Variants in TTC7B observed in about 807,000 individuals in gnomAD.
TTC7B encodes the protein tetratricopeptide repeat protein 7B.
A neutral mutation model predicts 106.8 loss-of-function variants in TTC7B; 28 were observed. The ratio of observed to expected loss-of-function variants is 0.26; its 90% CI spans 0.19 to 0.36. The LOEUF (loss-of-function observed/expected upper bound fraction) is 0.36, where lower values mean the gene tolerates loss of function less well. TTC7B is among the 10% of genes least tolerant of loss of function. The pLI is 1.00. For synonymous variants in TTC7B, 405 were observed against 430.6 expected, an observed-to-expected ratio of 0.94 and a Z score of 0.74; for missense variants, 862 against 1,076.4, an observed-to-expected ratio of 0.80 and a Z score of 2.79.
chr14:90,708,625 T>C (rs1207227454), intron 5 of TTC7B, among the ~76,000 whole-genome samples: 1 of 152,212 alleles, frequency 6.6e-6, no homozygotes, highest in Non-Finnish European at 1.5e-5. Context: ...TCATTGACAA[T>C]GTACCTGGTC....
chr14:90,712,599 C>T (rs970345352), intron 5 of TTC7B, among the ~76,000 whole-genome samples: 1 of 152,106 alleles, frequency 6.6e-6, no homozygotes, highest in African/African-American at 2.4e-5. Context: ...AACTACAAAA[C>T]ATTTTTGAGA....
chr14:90,809,606 A>G (rs951047683), intron 1 of TTC7B, among the ~76,000 whole-genome samples: 1 of 152,266 alleles, frequency 6.6e-6, no homozygotes, highest in Non-Finnish European at 1.5e-5. Context: ...TCAGGGCCAG[A>G]GTCATCACGT....
chr14:90,750,137 T>G (rs900375178), intron 3 of TTC7B, among the ~76,000 whole-genome samples: 1 of 152,174 alleles, frequency 6.6e-6, no homozygotes, highest in Non-Finnish European at 1.5e-5. Flanking sequence ...CAAAAGCAAA[T>G]CGCAGATTTG....
At chr14:90,548,511 G>A (rs1017919062) in intron 19 of TTC7B, among the ~76,000 whole-genome samples, 2 of 152,230 alleles carry the variant, frequency 1.3e-5, no homozygotes, top group African/African-American at 4.8e-5. Context: ...TTTGCTGACT[G>A]CAAAGTGCTT....
Position 90,575,096 on chromosome 14 carries a change from T to C in TTC7B, c.2310+3010A>G, listed in dbSNP as rs1891206562. On this transcript the variant is annotated intron_variant, in intron 19 of 19. Transcript: ENST00000328459. This position sits in a 1 kb window ranked among gnomAD's most constrained non-coding sequence, Gnocchi z 5.2. ...CCACACAGGTCGGGGCCCTGCCTCC[T>C]CCCTGGGGCTTGACCTGGTAAGACA... 1.3e-5 allele frequency among the ~76,000 whole-genome samples: 2 copies of C among 152,202 alleles called. No individual in the cohort carries two copies. The highest frequency in any genetic ancestry group is 4.1e-4 in the South Asian group (2 of 4,832).
intron 13 of TTC7B, among the ~76,000 whole-genome samples, 186 bp downstream of exon 13, chr14:90,652,655 G>A (rs1334157980): frequency 6.6e-6 from 1 of 152,144 alleles, no homozygotes; most frequent in Non-Finnish European, 1.5e-5. Context: ...CAGATTAAGA[G>A]TGCAGATTGA....
At chr14:90,685,065 G>A (rs1370814036) in intron 7 of TTC7B, among the ~76,000 whole-genome samples, 1 of 152,080 alleles carries the variant, frequency 6.6e-6, no homozygotes, top group Non-Finnish European at 1.5e-5. Flanking sequence ...TGCATTTCAC[G>A]TTCAGGTCTC....
In TTC7B at chr14:90,735,899, AATGAG is replaced by A. The variant is rs144768099; in HGVS notation, c.577-5708_577-5704del. On this transcript the variant is annotated intron_variant, in intron 4 of 19. Transcript: ENST00000328459. ...TCTAAAATTTACCTGAAAGTATTAG[AATGAG>A]ATAAGAACAAAGGATAACCTGAAAA... is the stretch of plus-strand genomic sequence containing the variant. 1.5e-3 allele frequency among the ~76,000 whole-genome samples: 221 copies of A among 152,290 alleles called. 1 individual carries two copies. Among genetic ancestry groups the A allele is most frequent in the African/African-American group, 5.2e-3 (216 of 41,568 alleles).
chr14:90,639,236 T>C (rs1016888820), intron 15 of TTC7B, among the ~76,000 whole-genome samples: 1 of 152,166 alleles, frequency 6.6e-6, no homozygotes, highest in South Asian at 2.1e-4. Flanking sequence ...CTTCTGTTTA[T>C]CAAAAGACAT....
At chr14:90,713,504 G>C (rs963943815) in intron 5 of TTC7B, among the ~76,000 whole-genome samples, 3 of 152,154 alleles carry the variant, frequency 2.0e-5, no homozygotes, top group Non-Finnish European at 4.4e-5. Context: ...GGATACTACT[G>C]ATACTACTAC....
At chr14:90,550,062 C>G (rs1419694188) in intron 19 of TTC7B, among the ~76,000 whole-genome samples, 2 of 152,178 alleles carry the variant, frequency 1.3e-5, no homozygotes, top group African/African-American at 2.4e-5. Context: ...GAATACACCG[C>G]CTTCTAACTG....
At chr14:90,701,800 ATAT>A (rs1888002830) in intron 5 of TTC7B, among the ~76,000 whole-genome samples, 1 of 127,980 alleles carries the variant, frequency 7.8e-6, no homozygotes, top group Admixed American at 7.4e-5. Context: ...GTGTGTGTAT[ATAT>A]ATATATATAT....
rs983701419 is a variant in TTC7B, at chr14:90,745,041, C to G, written c.446-119G>C. The G allele has an allele frequency of 4.2e-6, 4 of 952,020 alleles. No individual in the cohort carries two copies. The African/African-American group carries it at 6.7e-5, about 16-fold the overall frequency. The allele number at this position is 952,020 out of a possible 1,614,324, so 59.0% of individuals were successfully genotyped here. A position where few individuals can be genotyped will look rare whatever the true frequency, so the allele number is the denominator to read the frequency against. ...GAATATCATGTTGTTTGCAAATAGA[C>G]AGTTTACTTCCTCCTTTTCAATCTG... On this transcript the variant is annotated intron_variant, in intron 3 of 19. Coordinates refer to ENST00000328459, the MANE Select transcript of TTC7B (RefSeq NM_001010854.2).
chr14:90,809,252 G>T (rs1426765879), intron 1 of TTC7B, among the ~76,000 whole-genome samples: 3 of 152,240 alleles, frequency 2.0e-5, no homozygotes, highest in African/African-American at 7.2e-5. Flanking sequence ...AAGCATGGAT[G>T]TCACCCTTAA....
chr14:90,676,773 G>A (rs1886858608), intron 8 of TTC7B, 113 bp from the exon 9 acceptor site: 3 of 1,169,076 alleles, frequency 2.6e-6, no homozygotes, highest in Non-Finnish European at 3.6e-6. Flanking sequence ...TGGAGACAAG[G>A]GTAGGAATGA....
rs934421591 is a variant in TTC7B at position 90,528,472 on chromosome 14, G to A, written c.*12896C>T. Reference sequence around the variant, plus strand: ...CACTGCAGCCTTGACCTCCCACTTTGTTACCTGTTTCCGACGGTGTGACCC... The same window carrying A: ...CACTGCAGCCTTGACCTCCCACTTTATTACCTGTTTCCGACGGTGTGACCC... On this transcript the variant is annotated 3_prime_UTR_variant, in exon 20 of 20. Transcript: ENST00000328459. 10 of 152,698 alleles carry A rather than the reference G, an allele frequency of 6.5e-5. No individual in the cohort carries two copies. The highest frequency in any genetic ancestry group is 2.2e-4 in the African/African-American group (9 of 41,474). 9.5% of individuals were successfully genotyped at this position (152,698 alleles called of 1,614,324 possible).
intron 6 of TTC7B, among the ~76,000 whole-genome samples, chr14:90,690,593 T>C (rs946454745): frequency 6.6e-6 from 1 of 152,116 alleles, no homozygotes; most frequent in Non-Finnish European, 1.5e-5. Flanking sequence ...AAGAAGAGGA[T>C]AAGTAATTTA....
At chr14:90,581,020 C>G (rs941052466) in intron 18 of TTC7B, among the ~76,000 whole-genome samples, 1 of 152,176 alleles carries the variant, frequency 6.6e-6, no homozygotes, top group Non-Finnish European at 1.5e-5. Context: ...ATATTTGTAC[C>G]AACGACTGAC....
At chr14:90,581,842 G>A (rs1282298005) in intron 18 of TTC7B, among the ~76,000 whole-genome samples, 7 of 152,182 alleles carry the variant, frequency 4.6e-5, no homozygotes, top group African/African-American at 1.4e-4. Context: ...GCCTGCCTAA[G>A]CCTCAGGCCT....
Sources: allele counts gnomAD v4.1 joint callset (sites outside exome capture counted in the v4.1 genomes callset), GRCh38; gene constraint gnomAD v4.1.1; non-coding constraint Gnocchi (gnomAD v3.1); transcripts MANE v1.5; gene names NCBI Gene and HGNC (gene_info 2026-07-23, HGNC 2026-07-21).